Variants in NRXN3 observed in about 807,000 individuals in gnomAD.
NRXN3 encodes the protein neurexin III.
A neutral mutation model predicts 137.6 loss-of-function variants in NRXN3; 32 were observed. The ratio of observed to expected loss-of-function variants is 0.23; its 90% confidence interval spans 0.18 to 0.31. The LOEUF (loss-of-function observed/expected upper bound fraction) is 0.31, where lower values mean the gene tolerates loss of function less well. Among genes scored for constraint, NRXN3 ranks in the 10% least tolerant of loss-of-function variants. The pLI is 1.00. For synonymous variants in NRXN3, 798 were observed against 784.5 expected (o/e 1.02, Z -0.29); for missense variants, 1,574 against 2,062.5 (o/e 0.76, Z 4.59).
chr14:79,491,257 G>A (rs548475606), intron 16 of NRXN3, among the ~76,000 whole-genome samples: 1 of 152,270 alleles, frequency 6.6e-6, no homozygotes, highest in African/African-American at 2.4e-5. Context: ...TGGAGCCCAA[G>A]CCCAGGTTCT....
At chr14:79,763,205 CT>C (rs561901464) in intron 19 of NRXN3, among the ~76,000 whole-genome samples, 1 of 151,658 alleles carries the variant, frequency 6.6e-6, no homozygotes, top group Non-Finnish European at 1.5e-5. Context: ...TGAACTCATC[CT>C]TTTTTATGGT....
chr14:78,967,138 T>G, intron 12 of NRXN3, 70 bp from the exon 13 acceptor site: 3 of 1,347,430 alleles, frequency 2.2e-6, no homozygotes, highest in Non-Finnish European at 3.1e-6. Context: ...CTATGTCAGT[T>G]ACACACATAT....
intron 16 of NRXN3, among the ~76,000 whole-genome samples, chr14:79,570,853 A>T (rs571584040): frequency 3.3e-5 from 5 of 152,260 alleles, no homozygotes; most frequent in Admixed American, 2.6e-4. Flanking sequence ...CTGTATTCTC[A>T]TATCACCTTT....
intron 4 of NRXN3, among the ~76,000 whole-genome samples, chr14:78,629,663 A>G (rs1480034757): frequency 1.3e-5 from 2 of 152,226 alleles, no homozygotes; most frequent in Non-Finnish European, 2.9e-5. Flanking sequence ...TGTGATCCCA[A>G]ATTCAAACAA....
chr14:79,849,717 G>A (rs934490168), intron 20 of NRXN3, among the ~76,000 whole-genome samples: 10 of 152,134 alleles, frequency 6.6e-5, no homozygotes, highest in Admixed American at 5.9e-4. Flanking sequence ...ATTAAAAATG[G>A]AATTGCCATA....
intron 19 of NRXN3, among the ~76,000 whole-genome samples, chr14:79,748,449 C>T (rs2098986355): frequency 6.6e-6 from 1 of 152,024 alleles, no homozygotes; most frequent in African/African-American, 2.4e-5. Context: ...AGAGATGTTC[C>T]ATGTGGTTCC....
chr14:79,541,356 A>G (rs561463816), intron 16 of NRXN3, among the ~76,000 whole-genome samples: 7 of 152,252 alleles, frequency 4.6e-5, no homozygotes, highest in African/African-American at 1.4e-4. Context: ...GTGAGCCAAG[A>G]TTGTGCCATT....
intron 15 of NRXN3, among the ~76,000 whole-genome samples, chr14:79,342,763 AC>A (rs988502394): frequency 6.6e-6 from 1 of 152,188 alleles, no homozygotes; most frequent in African/African-American, 2.4e-5. Flanking sequence ...CAAGTCACTG[AC>A]ATGTAACTGT....
At chr14:79,841,812 A>G (rs1324835707) in intron 20 of NRXN3, among the ~76,000 whole-genome samples, 1 of 152,224 alleles carries the variant, frequency 6.6e-6, no homozygotes, top group African/African-American at 2.4e-5. Context: ...TCAGATAGTG[A>G]TGTATTTTTT....
chr14:79,166,928 A>G (rs1366238105), intron 15 of NRXN3, among the ~76,000 whole-genome samples: 1 of 151,962 alleles, frequency 6.6e-6, no homozygotes, highest in Admixed American at 6.6e-5. Flanking sequence ...CTCAGAAAAC[A>G]TTGATTTCTT....
chr14:79,395,094 A>G (rs1451217278), intron 15 of NRXN3, among the ~76,000 whole-genome samples: 1 of 152,210 alleles, frequency 6.6e-6, no homozygotes, highest in East Asian at 1.9e-4. Context: ...CCAGTTAACA[A>G]CATCTTTGGA....
At chr14:78,824,024 T>C (rs189295515) in intron 10 of NRXN3, among the ~76,000 whole-genome samples, 2 of 151,216 alleles carry the variant, frequency 1.3e-5, no homozygotes, top group South Asian at 2.1e-4. Flanking sequence ...GTCACATCAA[T>C]ACTGTAAAGA....
intron 15 of NRXN3, among the ~76,000 whole-genome samples, chr14:79,184,646 C>G (rs573694667): frequency 6.6e-6 from 1 of 152,322 alleles, no homozygotes; most frequent in East Asian, 1.9e-4. Context: ...GTACCCAAGT[C>G]TCACTACTGA....
At chr14:78,207,376 C>T (rs2062305163) in intron 1 of NRXN3, among the ~76,000 whole-genome samples, 1 of 152,174 alleles carries the variant, frequency 6.6e-6, no homozygotes, top group Non-Finnish European at 1.5e-5. Flanking sequence ...ATGCTTTTCA[C>T]TACTGTTCAA....
intron 15 of NRXN3, among the ~76,000 whole-genome samples, chr14:79,229,397 C>G (rs2071697738): frequency 6.6e-6 from 1 of 152,106 alleles, no homozygotes; most frequent in Non-Finnish European, 1.5e-5. Flanking sequence ...GGCACACAGC[C>G]CCGGGAAACT....
At chr14:79,721,223 T>C (rs942429447) in intron 19 of NRXN3, among the ~76,000 whole-genome samples, 1 of 152,138 alleles carries the variant, frequency 6.6e-6, no homozygotes, top group African/African-American at 2.4e-5. Flanking sequence ...AATAAATTCT[T>C]ACTACCTAAT....
intron 15 of NRXN3, among the ~76,000 whole-genome samples, chr14:79,084,330 A>C (rs2152772585): frequency 6.6e-6 from 1 of 152,272 alleles, no homozygotes; most frequent in Admixed American, 6.5e-5. Flanking sequence ...AGGAAAAGGA[A>C]CCCTTCAATT....
At chr14:79,514,544 C>A (rs2096963785) in intron 16 of NRXN3, among the ~76,000 whole-genome samples, 1 of 152,124 alleles carries the variant, frequency 6.6e-6, no homozygotes, top group Non-Finnish European at 1.5e-5. Flanking sequence ...TGGTAGTAAC[C>A]CTTAACCCTA....
chr14:79,535,194 G>T (rs1239931615), intron 16 of NRXN3, among the ~76,000 whole-genome samples: 4 of 152,136 alleles, frequency 2.6e-5, no homozygotes, highest in African/African-American at 7.2e-5. Context: ...CAAGTGGAAA[G>T]AATTATGAAA....
Sources: allele counts gnomAD v4.1 joint callset (sites outside exome capture counted in the v4.1 genomes callset), GRCh38; gene constraint gnomAD v4.1.1; transcripts MANE v1.5; gene names NCBI Gene and HGNC (gene_info 2026-07-23, HGNC 2026-07-21).